Variants in DPP6 observed in about 807,000 individuals in gnomAD.
The protein encoded by DPP6 is A-type potassium channel modulatory protein DPP6.
A neutral mutation model predicts 122.6 loss-of-function variants in DPP6; 69 were observed. That is an observed-to-expected ratio of 0.56 (90% CI 0.46 to 0.69). The LOEUF is 0.69. Among genes scored for constraint, DPP6 ranks in the 30% least tolerant of loss-of-function variants. The probability of loss-of-function intolerance (pLI) is 0.00; values close to 1 mark genes in which losing one functional copy is unlikely to be tolerated. For missense variants in DPP6, 928 were observed against 1,116.9 expected, an observed-to-expected ratio of 0.83 and a Z score of 2.41; for synonymous variants, 418 against 433.1, an observed-to-expected ratio of 0.97 and a Z score of 0.43.
chr7:154,451,361 C>CAA (rs397890050), intron 2 of DPP6, among the ~76,000 whole-genome samples: 2,973 of 122,016 alleles, frequency 0.024, 66 homozygotes, highest in Non-Finnish European at 0.034. Flanking sequence ...CCTGTCTCAC[C>CAA]AAAAAAAAAA....
chr7:154,327,454 C>A (rs780623040), intron 1 of DPP6, among the ~76,000 whole-genome samples: 1 of 151,956 alleles, frequency 6.6e-6, no homozygotes, highest in African/African-American at 2.4e-5. Context: ...GAACAGATTG[C>A]GAGTGAAGAT....
chr7:154,166,340 G>A (rs1277492469), intron 1 of DPP6, among the ~76,000 whole-genome samples: 1 of 152,154 alleles, frequency 6.6e-6, no homozygotes, highest in African/African-American at 2.4e-5. Flanking sequence ...GGCCACCCCT[G>A]CATCTCACCC....
At chr7:154,357,946 C>CAAAAAAA (rs563436108) in intron 1 of DPP6, among the ~76,000 whole-genome samples, 1 of 123,992 alleles carries the variant, frequency 8.1e-6, no homozygotes, top group Non-Finnish European at 1.8e-5. Context: ...AACTTCGTCT[C>CAAAAAAA]AAAAAAAAAA....
chr7:154,522,704 A>T (rs1226064828), intron 3 of DPP6, among the ~76,000 whole-genome samples: 1 of 151,732 alleles, frequency 6.6e-6, no homozygotes, highest in East Asian at 1.9e-4. Flanking sequence ...ACGAGAAAAA[A>T]AAATTGGAAC....
At chr7:154,647,794 G>A (rs572601199) in intron 6 of DPP6, among the ~76,000 whole-genome samples, 10 of 152,310 alleles carry the variant, frequency 6.6e-5, no homozygotes, top group African/African-American at 9.6e-5. Context: ...ATCAGCACGC[G>A]TGTTGAACCA....
At chr7:154,063,378 C>G (rs1385490741) in intron 1 of DPP6, among the ~76,000 whole-genome samples, 1 of 128,272 alleles carries the variant, frequency 7.8e-6, no homozygotes, top group East Asian at 2.5e-4. Context: ...GCACCCCCCA[C>G]GAGGGTGGGG....
intron 7 of DPP6, among the ~76,000 whole-genome samples, chr7:154,716,997 C>A (rs1007285655): frequency 1.3e-5 from 2 of 151,702 alleles, no homozygotes; most frequent in African/African-American, 2.4e-5. Flanking sequence ...CAACGCACAG[C>A]TAATTTTGTA....
chr7:153,909,423 A>AAC (rs752598445), intron 1 of DPP6, among the ~76,000 whole-genome samples: 30,871 of 145,896 alleles, frequency 0.21, 3,673 homozygotes, highest in East Asian at 0.3. Flanking sequence ...ATGCTTTTAC[A>AAC]TTTATCTATC....
chr7:153,870,382 T>A, the DPP6 span, among the ~76,000 whole-genome samples: 2 of 152,198 alleles, frequency 1.3e-5, no homozygotes, highest in African/African-American at 2.4e-5. Flanking sequence ...ACTTCTCTTC[T>A]CGCTTCATTT....
chr7:154,539,511 T>C (rs1052835178), intron 3 of DPP6, among the ~76,000 whole-genome samples: 8 of 152,040 alleles, frequency 5.3e-5, no homozygotes, highest in Non-Finnish European at 1.0e-4. Context: ...AGGGATAGCA[T>C]TAGGAGAAAT....
rs910174911 is a variant in DPP6 at position 154,791,502 on chromosome 7, G to A, written c.1137-2577G>A. On this transcript the variant is annotated intron_variant, in intron 10 of 25. Transcript: ENST00000377770. ...TATTCCCTACCATGGGAACAGCATG[G>A]GGGAAACCACCCGCATGATTCAATT... Among the ~76,000 whole-genome samples the A allele has an allele frequency of 3.0e-4, 46 of 152,098 alleles. 1 individual carries two copies. The highest frequency in any genetic ancestry group is 2.6e-3 in the Admixed American group (39 of 15,262).
chr7:154,872,935 G>C (rs1804517807), intron 19 of DPP6, among the ~76,000 whole-genome samples: 1 of 152,230 alleles, frequency 6.6e-6, no homozygotes, highest in Non-Finnish European at 1.5e-5. Flanking sequence ...CAGGTTCTGT[G>C]ACCATAAAGT....
chr7:153,919,071 G>A (rs1800513569), intron 1 of DPP6, among the ~76,000 whole-genome samples: 1 of 151,596 alleles, frequency 6.6e-6, no homozygotes, highest in African/African-American at 2.4e-5. Context: ...TGTTCCTCAT[G>A]CTGTACCCCA....
chr7:154,064,920 G>C (rs547711331), intron 1 of DPP6, among the ~76,000 whole-genome samples: 114 of 152,266 alleles, frequency 7.5e-4, no homozygotes, highest in Non-Finnish European at 1.4e-3. Flanking sequence ...ATCTCCATTA[G>C]GACAAAGTGG....
intron 1 of DPP6, among the ~76,000 whole-genome samples, chr7:154,313,710 T>TACAC: frequency 6.2e-5 from 1 of 16,200 alleles, no homozygotes; most frequent in Admixed American, 6.6e-4. Flanking sequence ...TATATATATA[T>TACAC]ATATACACAC....
intron 1 of DPP6, among the ~76,000 whole-genome samples, chr7:154,195,056 T>C (rs1798797020): frequency 6.6e-6 from 1 of 152,218 alleles, no homozygotes; most frequent in Admixed American, 6.5e-5. Flanking sequence ...CTAGGAAATC[T>C]CTGCCTAGTA....
chr7:154,664,206 G>T (rs1433918786), intron 6 of DPP6, among the ~76,000 whole-genome samples: 4 of 152,054 alleles, frequency 2.6e-5, no homozygotes, highest in African/African-American at 9.7e-5. Flanking sequence ...TAAAGTCATT[G>T]TGAATCACCA....
chr7:154,768,012 G>C (rs1796014770), intron 8 of DPP6, among the ~76,000 whole-genome samples: 2 of 152,204 alleles, frequency 1.3e-5, no homozygotes, highest in African/African-American at 4.8e-5. Flanking sequence ...CATCTGGGCA[G>C]GGAGGGGCAG....
chr7:154,784,458 A>T (rs1797217286), intron 10 of DPP6, among the ~76,000 whole-genome samples: 1 of 152,212 alleles, frequency 6.6e-6, no homozygotes, highest in East Asian at 1.9e-4. Context: ...AGAAAGAAAC[A>T]CTTCACTGTT....
Sources: gnomAD v4.1 joint callset for allele counts (sites outside exome capture counted in the v4.1 genomes callset) on GRCh38, gnomAD v4.1.1 for gene constraint, MANE v1.5 for transcripts, NCBI Gene and HGNC (gene_info 2026-07-23, HGNC 2026-07-21) for gene names.